GSE1: variants seen among roughly 807,000 people sequenced by gnomAD.
The protein encoded by GSE1 is Gse1 coiled-coil protein.
Under a neutral mutation model 112.6 loss-of-function variants are expected in GSE1, and 32 were observed. The ratio of observed to expected loss-of-function variants is 0.28; its 90% CI spans 0.21 to 0.38. GSE1 has a LOEUF of 0.38. GSE1 is among the 10% of genes least tolerant of loss of function. The pLI, the probability that GSE1 is intolerant of heterozygous loss-of-function variation, is 1.00. For synonymous variants in GSE1, 1,115 were observed against 735.6 expected (o/e 1.52, Z -8.35); for missense variants, 2,348 against 1,699.2 (o/e 1.38, Z -6.71).
intron 14 of GSE1, among the ~76,000 whole-genome samples, chr16:85,670,327 A>ATGGG (rs2053228167): frequency 6.6e-6 from 1 of 152,082 alleles, no homozygotes; most frequent in African/African-American, 2.4e-5. Context: ...TGAAACTTTA[A>ATGGG]AGCATCCCAT....
At chr16:85,450,023 C>T (rs1044907857) in intron 2 of GSE1, among the ~76,000 whole-genome samples, 11 of 151,104 alleles carry the variant, frequency 7.3e-5, no homozygotes, top group South Asian at 2.1e-4. Context: ...GGTGTAGAAT[C>T]GGAACCACAC....
At chr16:85,332,582 G>T (rs550768222) in intron 1 of GSE1, among the ~76,000 whole-genome samples, 1 of 152,202 alleles carries the variant, frequency 6.6e-6, no homozygotes, top group African/African-American at 2.4e-5. Context: ...ACCCTCAGCT[G>T]GTGGGACTGA....
chr16:85,607,254 T>G (rs547766968), upstream of GSE1, among the ~76,000 whole-genome samples: 1 of 152,102 alleles, frequency 6.6e-6, no homozygotes, highest in African/African-American at 2.4e-5. Flanking sequence ...CCCGCTCCAG[T>G]AGGAGAGGCA....
chr16:85,177,881 A>G (rs1161675701), intron 1 of GSE1, among the ~76,000 whole-genome samples: 1 of 152,132 alleles, frequency 6.6e-6, no homozygotes, highest in Non-Finnish European at 1.5e-5. Flanking sequence ...GCCAGGGACG[A>G]ACTGCAGTCC....
At chr16:85,628,196 T>A (rs1639961355) in intron 1 of GSE1, among the ~76,000 whole-genome samples, 1 of 152,244 alleles carries the variant, frequency 6.6e-6, no homozygotes, top group African/African-American at 2.4e-5. Context: ...AGTGCACACA[T>A]ACTGAGGAGC....
At chr16:85,632,693 C>T (rs766752419) in intron 1 of GSE1, among the ~76,000 whole-genome samples, 6 of 152,130 alleles carry the variant, frequency 3.9e-5, no homozygotes, top group Non-Finnish European at 7.4e-5. Context: ...GCCCTTACCC[C>T]ATAGGAAGTG....
chr16:85,268,963 G>C lies in GSE1; in HGVS notation c.2284-88500G>C, dbSNP rs111958307. Reference sequence around the variant, plus strand: ...CTAACAGGTTCTGATTTTAATGACAGGGGAGGGGGAGGCTGCAGAAAATGC... The same window carrying C: ...CTAACAGGTTCTGATTTTAATGACACGGGAGGGGGAGGCTGCAGAAAATGC... On this transcript the variant is annotated intron_variant, in intron 1 of 2. Coordinates refer to the GSE1 transcript ENST00000637419. 2.4e-5 allele frequency among the ~76,000 whole-genome samples: 3 copies of C among 127,114 alleles called. 1 individual carries two copies. 83.4% of individuals were successfully genotyped at this position (127,114 alleles called of 152,430 possible). A position where few individuals can be genotyped will look rare whatever the true frequency, so the allele number is the denominator to read the frequency against.
intron 2 of GSE1, among the ~76,000 whole-genome samples, chr16:85,397,489 C>T (rs375648280): frequency 6.6e-6 from 1 of 152,224 alleles, no homozygotes; most frequent in Admixed American, 6.5e-5. Context: ...AGGCTTGTCA[C>T]GGTACTAAAT....
chr16:85,292,314 G>GT (rs1411141764), intron 1 of GSE1, among the ~76,000 whole-genome samples: 4 of 97,678 alleles, frequency 4.1e-5, no homozygotes, highest in African/African-American at 1.6e-4. Context: ...AATTTTTGTT[G>GT]TTTTTTTGTT....
chr16:85,438,465 G>T (rs1414989514), intron 2 of GSE1, among the ~76,000 whole-genome samples: 4 of 152,176 alleles, frequency 2.6e-5, no homozygotes, highest in Non-Finnish European at 5.9e-5. Context: ...GAGGCTCTGT[G>T]GTGGTGGACC....
intron 2 of GSE1, among the ~76,000 whole-genome samples, chr16:85,366,179 C>A (rs2047181552): frequency 1.3e-5 from 2 of 152,288 alleles, no homozygotes; most frequent in Non-Finnish European, 2.9e-5. Context: ...GTAAGCCTTG[C>A]CTGTAGCGGC....
chr16:85,395,206 C>T (rs982695590), intron 2 of GSE1, among the ~76,000 whole-genome samples: 1 of 152,038 alleles, frequency 6.6e-6, no homozygotes, highest in Non-Finnish European at 1.5e-5. Context: ...TACCCTGAAT[C>T]CCTGGGAATG....
At chr16:85,662,635 G>A in intron 9 of GSE1, 1 of 261,160 alleles carries the variant, frequency 3.8e-6, no homozygotes, top group Non-Finnish European at 7.3e-6. Flanking sequence ...ACAGCATGGG[G>A]GAGTGCATGT....
At chr16:85,636,585 C>T (rs1378803499) in intron 2 of GSE1, among the ~76,000 whole-genome samples, 3 of 152,196 alleles carry the variant, frequency 2.0e-5, no homozygotes, top group African/African-American at 7.2e-5. Flanking sequence ...CCTCCCGGGA[C>T]CCTCGGGCAG....
chr16:85,415,288 C>T (rs1265104065), intron 2 of GSE1, among the ~76,000 whole-genome samples: 6 of 152,290 alleles, frequency 3.9e-5, no homozygotes, highest in Admixed American at 2.0e-4. Context: ...CTTTTGGGTC[C>T]CCCTGGGGAG....
At chr16:85,660,875 C>T (rs1223753256) in intron 8 of GSE1, among the ~76,000 whole-genome samples, 1 of 152,060 alleles carries the variant, frequency 6.6e-6, no homozygotes, top group African/African-American at 2.4e-5. Flanking sequence ...TGTGATCCAC[C>T]CTCCTCGGCC....
intron 1 of GSE1, among the ~76,000 whole-genome samples, chr16:85,220,548 T>TG (rs2075373172): frequency 6.6e-6 from 1 of 152,224 alleles, no homozygotes; most frequent in Non-Finnish European, 1.5e-5. Flanking sequence ...TCAATGACTT[T>TG]GGTCGTCAAA....
At chr16:85,327,027 G>C (rs2046240671) in intron 1 of GSE1, among the ~76,000 whole-genome samples, 1 of 152,234 alleles carries the variant, frequency 6.6e-6, no homozygotes, top group South Asian at 2.1e-4. Flanking sequence ...CTCCCCTAGG[G>C]CTGGAGCATC....
chr16:85,612,621 G>A (rs1034238086), upstream of GSE1, among the ~76,000 whole-genome samples: 2 of 151,482 alleles, frequency 1.3e-5, no homozygotes, highest in African/African-American at 4.9e-5. Flanking sequence ...TAAAACTGGG[G>A]GGTGGGGTGC....
Sources: gnomAD v4.1 joint callset for allele counts (sites outside exome capture counted in the v4.1 genomes callset) on GRCh38, gnomAD v4.1.1 for gene constraint, MANE v1.5 for transcripts, NCBI Gene and HGNC (gene_info 2026-07-23, HGNC 2026-07-21) for gene names.